ATP13A5: variants seen among roughly 807,000 people sequenced by gnomAD.
ATP13A5 encodes ATPase 13A5, also known as probable cation-transporting ATPase 13A5.
A neutral mutation model predicts 150.2 loss-of-function variants in ATP13A5; 149 were observed. That is an observed-to-expected ratio of 0.99 (90% confidence interval 0.87 to 1.14). The LOEUF is 1.14. Ranked by LOEUF, ATP13A5 falls within the 50% of genes most tolerant of loss-of-function variation. ATP13A5 has a pLI of 0.00. For missense variants in ATP13A5, 1,383 were observed against 1,449.3 expected, an observed-to-expected ratio of 0.95 and a Z score of 0.74; for synonymous variants, 497 against 522.2, an observed-to-expected ratio of 0.95 and a Z score of 0.66.
At position 193,314,072 on chromosome 3, in the gene ATP13A5, C is replaced by T. The variant is rs1166324593; in HGVS notation, c.2280G>A (p.Trp760Ter). ...CAGTCTCTTGGTTCTCCACCAGCTGCCAGGTCACAGAGGCAGGAACAAATT... is the reference window on the plus strand; with the variant it reads ...CAGTCTCTTGGTTCTCCACCAGCTGTCAGGTCACAGAGGCAGGAACAAATT... The part of the protein sequence containing the change: ...PEEFVPASVT[W>*]QLVENQETGP... Residue 760 changes from tryptophan to a stop codon, truncating the protein, a stop_gained, in exon 19 of 30, where the codon TGG becomes TGA. Coordinates refer to ENST00000342358, the MANE Select transcript of ATP13A5 (RefSeq NM_198505.4). LOFTEE classifies it high-confidence loss of function. The T allele has an allele frequency of 1.2e-6, 2 of 1,613,746 alleles. No individual in the cohort carries two copies. The highest frequency in any genetic ancestry group is 1.7e-6 in the Non-Finnish European group (2 of 1,179,844).
At position 193,334,789 on chromosome 3, in the gene ATP13A5, A is replaced by G. The variant is rs1465425879; in HGVS notation, c.1114+140T>C. The G allele has an allele frequency of 1.1e-5, 8 of 714,764 alleles. No homozygotes were observed. The East Asian group carries it at 2.2e-4, about 19-fold the overall frequency. The allele number at this position is 714,764 out of a possible 1,614,324, so 44.3% of individuals were successfully genotyped here. On this transcript the variant is annotated intron_variant, in intron 10 of 29. Coordinates refer to ENST00000342358, the MANE Select transcript of ATP13A5 (RefSeq NM_198505.4). Reference sequence around the variant, plus strand: ...TAATTAAAAATAGTGACACTTTAGAATAATAAGTGTCTGTTTGGAAAAAAG... The same window carrying G: ...TAATTAAAAATAGTGACACTTTAGAGTAATAAGTGTCTGTTTGGAAAAAAG...
At chr3:193,311,694 T>C (rs1718854312) in intron 20 of ATP13A5, 122 bp downstream of exon 20, 5 of 1,378,358 alleles carry the variant, frequency 3.6e-6, no homozygotes, top group Non-Finnish European at 4.9e-6. Context: ...AGTACTCCTT[T>C]GGGGGTGTTT....
In ATP13A5 at chr3:193,276,914, T is replaced by C. The variant is rs559602111; in HGVS notation, c.3316-84A>G. ...CATATTAATTATTTAATTTATAGAT[T>C]TGTAATAACTCTCTGAGCTTAGTGG... On this transcript the variant is annotated intron_variant, in intron 28 of 29. Coordinates refer to ENST00000342358, the MANE Select transcript of ATP13A5 (RefSeq NM_198505.4). The C allele has an allele frequency of 4.3e-5, 44 of 1,020,208 alleles. 2 individuals carry two copies. In the South Asian group the frequency reaches 6.3e-4, roughly 15 times the overall value. The allele number at this position is 1,020,208 out of a possible 1,614,324, so 63.2% of individuals were successfully genotyped here. A position where few individuals can be genotyped will look rare whatever the true frequency, so the allele number is the denominator to read the frequency against.
intron 18 of ATP13A5, among the ~76,000 whole-genome samples, chr3:193,314,660 A>T (rs975783947): frequency 1.3e-5 from 2 of 152,088 alleles, no homozygotes; most frequent in South Asian, 4.2e-4. Flanking sequence ...CTCTATGCAG[A>T]GGGATCACTG....
chr3:193,319,652 A>G (rs1175510740), intron 16 of ATP13A5, among the ~76,000 whole-genome samples: 5 of 152,202 alleles, frequency 3.3e-5, no homozygotes. Flanking sequence ...TTATAATAGC[A>G]CAAGCTGACT....
At chr3:193,335,959 G>C (rs1268763637) in intron 9 of ATP13A5, among the ~76,000 whole-genome samples, 1 of 152,086 alleles carries the variant, frequency 6.6e-6, no homozygotes, top group African/African-American at 2.4e-5. Flanking sequence ...ATACATTTCA[G>C]AGACAAAATA....
At chr3:193,275,413 C>T in intron 29 of ATP13A5, 111 bp from the exon 30 acceptor site, 2 of 1,250,746 alleles carry the variant, frequency 1.6e-6, no homozygotes, top group Admixed American at 2.2e-5. Flanking sequence ...GAGGTGTGCT[C>T]ATTGCTGTTG....
rs1181183838 is a variant in ATP13A5, at chr3:193,310,698, A to G, written c.2465T>C (p.Val822Ala). The change falls in exon 21 of 30, where the codon GTT (valine) becomes GCT (alanine). Residue 822 changes from valine to alanine, a missense_variant. Physicochemically the swap from Val to Ala is moderately conservative, Grantham distance 64. Around this residue, in one of 3 missense-constraint regions of ATP13A5, gnomAD observed 568 missense variants for 621.5 expected, o/e 0.91. Coordinates refer to ENST00000342358, the MANE Select transcript of ATP13A5 (RefSeq NM_198505.4). ...LLPKILVNGT[V>A]FARMSPGQKS... ...CTGCCCAGGAGACATTCTTGCAAAA[A>G]CTGTTCCATTCACCAGAATCTAAAA... is the stretch of plus-strand genomic sequence containing the variant. 2.5e-6 allele frequency: 4 copies of G among 1,608,386 alleles called. No homozygotes were observed. In the African/African-American group the frequency reaches 5.4e-5, roughly 22 times the overall value.
Position 193,321,691 on chromosome 3 carries a change from T to G in ATP13A5, c.1905A>C (p.Arg635Ser), listed in dbSNP as rs1183244734. 5.6e-6 allele frequency: 9 copies of G among 1,613,976 alleles called. No individual in the cohort carries two copies. The highest frequency in any genetic ancestry group is 6.8e-6 in the Non-Finnish European group (8 of 1,179,998). Residue 635 changes from arginine (R) to serine (S), a missense_variant, in exon 16 of 30, where the codon AGA becomes AGC. This residue lies in a region of ATP13A5 where 787 missense variants were observed against 771.9 expected (regional missense o/e 1.02). Coordinates refer to ENST00000342358, the MANE Select transcript of ATP13A5 (RefSeq NM_198505.4). Reference protein sequence around the residue: ...GAPEMVARFCRSETVPKNFPQ... With the variant: ...GAPEMVARFCSSETVPKNFPQ... ...GAAAAGTGTTAGTACCTGTTTCAGA[T>G]CTGCAGAACCTGGCCACCATTTCTG...
Position 193,363,282 on chromosome 3 carries a change from T to C in ATP13A5, c.338A>G (p.Asp113Gly). The change falls in exon 3 of 30, where the codon GAC becomes GGC. Residue 113 changes from aspartate to glycine, a missense_variant. This residue lies in a region of ATP13A5 where 787 missense variants were observed against 771.9 expected (regional missense o/e 1.02). Coordinates refer to ENST00000342358, the MANE Select transcript of ATP13A5 (RefSeq NM_198505.4). The part of the protein sequence containing the change: ...SKKWEESLVA[D>G]RHSVINQALI... ...GGCTTGGTTTATGACAGAGTGGCGG[T>C]CAGCCACCAGGGATTCTTCCCACTT... 1 of 1,613,916 alleles carries C rather than the reference T, an allele frequency of 6.2e-7. No individual in the cohort carries two copies. The highest frequency in any genetic ancestry group is 8.5e-7 in the Non-Finnish European group (1 of 1,179,816).
At chr3:193,363,686 C>T (rs1326270403) in intron 2 of ATP13A5, among the ~76,000 whole-genome samples, 2 of 152,112 alleles carry the variant, frequency 1.3e-5, no homozygotes, top group Non-Finnish European at 2.9e-5. Context: ...GCTTTCTATC[C>T]AGAAAATAGT....
chr3:193,330,552 G>A (rs73074758), intron 12 of ATP13A5, among the ~76,000 whole-genome samples: 8,044 of 152,258 alleles, frequency 0.053, 640 homozygotes, highest in African/African-American at 0.18. Context: ...GGAGACTCAC[G>A]TCATGGGGGG....
At position 193,310,900 on chromosome 3, in the gene ATP13A5, A is replaced by C. The variant is rs576551408; in HGVS notation, c.2446-183T>G. Among the ~76,000 whole-genome samples, 4 of 152,342 alleles carry C rather than the reference A, an allele frequency of 2.6e-5. No homozygotes were observed. In the East Asian group the frequency reaches 5.8e-4, roughly 22 times the overall value. On this transcript the variant is annotated intron_variant, in intron 20 of 29. Transcript: ENST00000342358. Reference sequence around the variant, plus strand: ...ACACTTTAATATTGAAATTTCACTTAAAGTCCTCCATCACAACTCCATTAC... The same window carrying C: ...ACACTTTAATATTGAAATTTCACTTCAAGTCCTCCATCACAACTCCATTAC...
At chr3:193,321,337 G>A (rs975791879) in intron 16 of ATP13A5, among the ~76,000 whole-genome samples, 1 of 152,118 alleles carries the variant, frequency 6.6e-6, no homozygotes, top group African/African-American at 2.4e-5. Context: ...TTGGCTTTAT[G>A]TATTTGGTCT....
At chr3:193,343,332 C>T (rs1712200527) in intron 9 of ATP13A5, among the ~76,000 whole-genome samples, 1 of 152,140 alleles carries the variant, frequency 6.6e-6, no homozygotes, top group Non-Finnish European at 1.5e-5. Context: ...TAACAAAGTA[C>T]AAATGAGAAC....
At chr3:193,351,270 C>A in intron 6 of ATP13A5, 69 bp from the exon 7 acceptor site, 1 of 1,558,914 alleles carries the variant, frequency 6.4e-7, no homozygotes, top group Non-Finnish European at 8.8e-7. Flanking sequence ...GATGTCATTT[C>A]ATTATCAATT....
chr3:193,354,169 A>G lies in ATP13A5; in HGVS notation c.564T>C (p.Ile188=), dbSNP rs1712684725. Residue 188 remains isoleucine, a synonymous_variant, in exon 6 of 30, where the codon ATT becomes ATC. Coordinates refer to ENST00000342358, the MANE Select transcript of ATP13A5 (RefSeq NM_198505.4). Reference sequence around the variant, plus strand: ...TCCATATGGGTTGGATTTCAACCTCAATGGCGTTGGGCCCACACACTAATC... The same window carrying G: ...TCCATATGGGTTGGATTTCAACCTCGATGGCGTTGGGCCCACACACTAATC... ...VRRLVCGPNA[I]EVEIQPIWKL... 1 of 1,612,606 alleles carries G rather than the reference A, an allele frequency of 6.2e-7. No individual in the cohort carries two copies. The highest frequency in any genetic ancestry group is 8.5e-7 in the Non-Finnish European group (1 of 1,179,596).
At chr3:193,296,445 C>T (rs1718174907) in intron 25 of ATP13A5, among the ~76,000 whole-genome samples, 1 of 152,092 alleles carries the variant, frequency 6.6e-6, no homozygotes, top group South Asian at 2.1e-4. Context: ...ATAGGGAATC[C>T]TTTCCCCGTT....
intron 12 of ATP13A5, among the ~76,000 whole-genome samples, chr3:193,330,361 G>A (rs2070716393): frequency 6.6e-6 from 1 of 152,240 alleles, no homozygotes; most frequent in Non-Finnish European, 1.5e-5. Flanking sequence ...ATTGTACACA[G>A]CAGTGGCTCT....
Sources: gnomAD v4.1 joint callset for allele counts (sites outside exome capture counted in the v4.1 genomes callset) on GRCh38, gnomAD v4.1.1 for gene constraint, gnomAD v4.1.1 regional missense constraint, MANE v1.5 for transcripts, NCBI Gene and HGNC (gene_info 2026-07-23, HGNC 2026-07-21) for gene names.